FEZ2: variants seen among roughly 807,000 people sequenced by gnomAD.
FEZ2 encodes the protein fasciculation and elongation protein zeta 2.
In FEZ2, 51 loss-of-function variants were observed where a neutral mutation model predicts 40.4. That is an observed-to-expected ratio of 1.26 (90% CI 1.01 to 1.59). FEZ2 has a LOEUF of 1.59. Ranked by LOEUF, FEZ2 falls within the 40% of genes most tolerant of loss-of-function variation. The pLI, the probability that FEZ2 is intolerant of heterozygous loss-of-function variation, is 0.00. For synonymous variants in FEZ2, 242 were observed against 172.0 expected, an observed-to-expected ratio of 1.41 and a Z score of -3.18; for missense variants, 640 against 438.3, an observed-to-expected ratio of 1.46 and a Z score of -4.11.
At chr2:36,559,567 G>C (rs1668038465) in intron 5 of FEZ2, among the ~76,000 whole-genome samples, 1 of 152,216 alleles carries the variant, frequency 6.6e-6, no homozygotes, top group Non-Finnish European at 1.5e-5. Flanking sequence ...GACACGTTAA[G>C]TGTCCCACCG....
intron 1 of FEZ2, 74 bp downstream of exon 1, chr2:36,597,802 GC>G: frequency 1.0e-6 from 1 of 993,004 alleles, no homozygotes; most frequent in Non-Finnish European, 1.2e-6. Context: ...GGGAGGAGCT[GC>G]GGCCGTAGGG....
chr2:36,568,714 G>C (rs1243748775), intron 5 of FEZ2, among the ~76,000 whole-genome samples: 1 of 152,200 alleles, frequency 6.6e-6, no homozygotes, highest in Admixed American at 6.5e-5. Flanking sequence ...AAATGCCAAA[G>C]TAATGTGGCA....
chr2:36,592,863 G>C (rs993688671), intron 1 of FEZ2, among the ~76,000 whole-genome samples: 5 of 152,026 alleles, frequency 3.3e-5, no homozygotes, highest in Non-Finnish European at 7.4e-5. Context: ...TAATAAAAAT[G>C]TGAACCCAAA....
At chr2:36,597,730 G>C (rs911097049) in intron 1 of FEZ2, 147 bp downstream of exon 1, 8 of 581,098 alleles carry the variant, frequency 1.4e-5, no homozygotes, top group South Asian at 5.2e-5. Context: ...AGCCGAGGCC[G>C]ACGGCCGGAG....
intron 5 of FEZ2, among the ~76,000 whole-genome samples, chr2:36,570,186 T>C (rs1668367807): frequency 6.6e-6 from 1 of 152,034 alleles, no homozygotes; most frequent in Admixed American, 6.6e-5. Flanking sequence ...ATGTGAATTA[T>C]AAAGCAGTTA....
intron 5 of FEZ2, among the ~76,000 whole-genome samples, chr2:36,567,928 C>T (rs1668294641): frequency 6.6e-6 from 1 of 152,036 alleles, no homozygotes; most frequent in South Asian, 2.1e-4. Context: ...TGTTTTATAG[C>T]TGCCCTGTAA....
intron 4 of FEZ2, 73 bp from the exon 5 acceptor site, chr2:36,578,938 AG>A (rs1429183687): frequency 1.6e-6 from 2 of 1,253,014 alleles, no homozygotes; most frequent in Non-Finnish European, 2.3e-6. Flanking sequence ...AGTAGTCACT[AG>A]GAATGACTAA....
Position 36,595,553 on chromosome 2 carries a change from A to G in FEZ2, c.266+2324T>C, listed in dbSNP as rs574006943. 3.5e-3 allele frequency among the ~76,000 whole-genome samples: 540 copies of G among 152,232 alleles called. 7 individuals are homozygous for G. Among genetic ancestry groups the G allele is most frequent in the African/African-American group, 0.012 (514 of 41,534 alleles). On this transcript the variant is annotated intron_variant, in intron 1 of 7. Coordinates refer to ENST00000405912, the MANE Select transcript of FEZ2 (RefSeq NM_005102.3). Reference sequence around the variant, plus strand: ...AATACAGATGAGGCTTTGCTCACTCACTCAGCCACTCACCTCCTGTAGTGT... The same window carrying G: ...AATACAGATGAGGCTTTGCTCACTCGCTCAGCCACTCACCTCCTGTAGTGT...
At chr2:36,566,603 A>G (rs1668247879) in intron 5 of FEZ2, among the ~76,000 whole-genome samples, 1 of 152,244 alleles carries the variant, frequency 6.6e-6, no homozygotes, top group Admixed American at 6.5e-5. Flanking sequence ...CGCTACAGCG[A>G]TCATTACCAA....
intron 1 of FEZ2, 108 bp from the exon 2 acceptor site, chr2:36,591,119 AACAG>A: frequency 4.2e-6 from 3 of 708,238 alleles, no homozygotes; most frequent in East Asian, 2.7e-5. Context: ...AACAGAGAAA[AACAG>A]ACAGCACATT....
intron 1 of FEZ2, chr2:36,591,499 A>C (rs1345103938): frequency 2.0e-5 from 3 of 152,636 alleles, no homozygotes; most frequent in Non-Finnish European, 4.4e-5. Flanking sequence ...ACCATTTCAA[A>C]AAGTGAAAAA....
Position 36,552,352 on chromosome 2 carries a change from T to G in FEZ2, c.*811A>C. ...TGATGAATCCATAAGTAGCTGTATC[T>G]AGAATTCATACTTAAGAAAAACACA... is the stretch of plus-strand genomic sequence containing the variant. On this transcript the variant is annotated 3_prime_UTR_variant, in exon 8 of 8. Transcript: ENST00000405912. 1 of 377,078 alleles carries G rather than the reference T, an allele frequency of 2.7e-6. No homozygotes were observed. Among genetic ancestry groups the G allele is most frequent in the South Asian group, 2.1e-5 (1 of 48,242 alleles). 23.4% of individuals were successfully genotyped at this position (377,078 alleles called of 1,614,324 possible). A position where few individuals can be genotyped will look rare whatever the true frequency, so the allele number is the denominator to read the frequency against.
At chr2:36,597,702 G>A (rs1247769524) in intron 1 of FEZ2, among the ~76,000 whole-genome samples, 175 bp downstream of exon 1, 1 of 152,186 alleles carries the variant, frequency 6.6e-6, no homozygotes, top group Admixed American at 6.5e-5. Context: ...GGGGGCAGGG[G>A]ATTTAAATTG....
chr2:36,588,324 A>C (rs1340562731), intron 2 of FEZ2, among the ~76,000 whole-genome samples: 16 of 152,144 alleles, frequency 1.1e-4, no homozygotes, highest in Non-Finnish European at 4.4e-5. Context: ...CACCGCGCCC[A>C]GCCAGGTAAG....
At chr2:36,554,564 A>AT (rs1361504567) in intron 7 of FEZ2, among the ~76,000 whole-genome samples, 1 of 152,126 alleles carries the variant, frequency 6.6e-6, no homozygotes, top group Non-Finnish European at 1.5e-5. Context: ...TAAAAAAAAA[A>AT]TTTTTCAGAA....
chr2:36,554,365 G>C, intron 7 of FEZ2: 1 of 468,268 alleles, frequency 2.1e-6, no homozygotes, highest in Middle Eastern at 3.3e-4. Context: ...AATAGCTAGA[G>C]AATGCTTCAG....
At chr2:36,569,500 C>G (rs1668348046) in intron 5 of FEZ2, among the ~76,000 whole-genome samples, 1 of 152,208 alleles carries the variant, frequency 6.6e-6, no homozygotes, top group African/African-American at 2.4e-5. Context: ...CAAGTTAACA[C>G]TTAAATAATT....
rs139456906 is a variant in FEZ2, at chr2:36,592,992, T to A, written c.267-1981A>T. Among the ~76,000 whole-genome samples the A allele has an allele frequency of 2.0e-3, 310 of 152,258 alleles. 2 individuals carry two copies. The highest frequency in any genetic ancestry group is 7.1e-3 in the African/African-American group (296 of 41,552). The stretch of plus-strand genomic sequence containing the variant: ...CAGTGAAGTAGAATTAGAGGCAATG[T>A]CTGTGGACTACTAAATTTGCTGGGT... On this transcript the variant is annotated intron_variant, in intron 1 of 7. Transcript: ENST00000405912.
At chr2:36,559,419 A>T (rs887080390) in intron 5 of FEZ2, among the ~76,000 whole-genome samples, 5 of 152,146 alleles carry the variant, frequency 3.3e-5, no homozygotes, top group Non-Finnish European at 7.4e-5. Flanking sequence ...TCGTGCCCTA[A>T]ATCTCAGCTC....
Sources: gnomAD v4.1 joint callset for allele counts (sites outside exome capture counted in the v4.1 genomes callset) on GRCh38, gnomAD v4.1.1 for gene constraint, MANE v1.5 for transcripts, NCBI Gene and HGNC (gene_info 2026-07-23, HGNC 2026-07-21) for gene names.